The following SEC14L2 variants were observed in gnomAD, a reference collection of about 807,000 sequenced individuals.
SEC14L2 encodes the protein SEC14-like protein 2.
Under a neutral mutation model 56.9 loss-of-function variants are expected in SEC14L2, and 50 were observed. The observed-to-expected ratio is 0.88, with a 90% CI of 0.70 to 1.11. The LOEUF (loss-of-function observed/expected upper bound fraction) is 1.11, where lower values mean the gene tolerates loss of function less well. SEC14L2 is among the 50% of genes most tolerant of loss of function. SEC14L2 has a pLI of 0.00. For synonymous variants in SEC14L2, 179 were observed against 188.5 expected, an observed-to-expected ratio of 0.95 and a Z score of 0.41; for missense variants, 414 against 500.7, an observed-to-expected ratio of 0.83 and a Z score of 1.65.
Position 30,398,771 on chromosome 22 carries a change from G to A in SEC14L2, c.55-872G>A, listed in dbSNP as rs187066372. 15 of 471,210 alleles carry A rather than the reference G, an allele frequency of 3.2e-5. No individual in the cohort carries two copies. In the Admixed American group the frequency reaches 3.5e-4, roughly 11 times the overall value. The allele number at this position is 471,210 out of a possible 1,614,324, so 29.2% of individuals were successfully genotyped here. A position where few individuals can be genotyped will look rare whatever the true frequency, so the allele number is the denominator to read the frequency against. ...AAACTCCTCATCCTTCCATGGGGCA[G>A]AAGACCATGGTGGAAAGAGTGTGTG... On this transcript the variant is annotated intron_variant, in intron 1 of 11. Coordinates refer to ENST00000615189, the MANE Select transcript of SEC14L2 (RefSeq NM_012429.5).
intron 8 of SEC14L2, among the ~76,000 whole-genome samples, chr22:30,414,417 G>A (rs35117632): frequency 2.0e-5 from 3 of 152,066 alleles, no homozygotes; most frequent in Non-Finnish European, 2.9e-5. Flanking sequence ...TTCAACAGAG[G>A]GGGGAGATTC....
chr22:30,406,877 G>A (rs902075976), intron 3 of SEC14L2, among the ~76,000 whole-genome samples: 7 of 152,178 alleles, frequency 4.6e-5, no homozygotes, highest in African/African-American at 1.7e-4. Context: ...TCAGCCACCT[G>A]AGTAGCTGGG....
chr22:30,405,850 T>G (rs1387122739), intron 2 of SEC14L2, among the ~76,000 whole-genome samples: 2 of 152,100 alleles, frequency 1.3e-5, no homozygotes, highest in East Asian at 1.9e-4. Flanking sequence ...CTAATTAGTT[T>G]TTTTGTTTTG....
At chr22:30,409,312 C>T in intron 6 of SEC14L2, 30 bp downstream of exon 6, 1 of 1,600,758 alleles carries the variant, frequency 6.2e-7, no homozygotes, top group Non-Finnish European at 8.6e-7. Context: ...AGGAAGGGGA[C>T]AGAGGGAAGG....
At chr22:30,406,501 A>G (rs1164867290) in intron 3 of SEC14L2, 116 bp downstream of exon 3, 1 of 989,086 alleles carries the variant, frequency 1.0e-6, no homozygotes, top group Non-Finnish European at 1.6e-6. Flanking sequence ...GTATTAGCCG[A>G]CCACTGTTGC....
intron 8 of SEC14L2, among the ~76,000 whole-genome samples, chr22:30,412,347 G>C (rs908799947): frequency 6.6e-6 from 1 of 151,668 alleles, no homozygotes; most frequent in Admixed American, 6.6e-5. Context: ...TCCCAGAGAG[G>C]CCAAAAGACC....
chr22:30,418,463 T>C (rs1340257972), intron 11 of SEC14L2, among the ~76,000 whole-genome samples: 1 of 152,186 alleles, frequency 6.6e-6, no homozygotes, highest in Non-Finnish European at 1.5e-5. Flanking sequence ...ATCTGCCCAT[T>C]ACCCCTCTAT....
At chr22:30,411,700 T>C (rs1934251726) in intron 8 of SEC14L2, among the ~76,000 whole-genome samples, 1 of 120,598 alleles carries the variant, frequency 8.3e-6, no homozygotes, top group Non-Finnish European at 1.6e-5. Context: ...TGAGCCGAGA[T>C]TGCACCACTG....
Position 30,422,440 on chromosome 22 carries a change from G to A in SEC14L2, c.*33G>A. On this transcript the variant is annotated 3_prime_UTR_variant, in exon 12 of 12. Coordinates refer to ENST00000615189, the MANE Select transcript of SEC14L2 (RefSeq NM_012429.5). ...TCCTATAGCAGGCCTGGCCCCCTCAGTGTCTCCCTGTCAATTTCTACCCCT... is the reference window on the plus strand; with the variant it reads ...TCCTATAGCAGGCCTGGCCCCCTCAATGTCTCCCTGTCAATTTCTACCCCT... 6.2e-7 allele frequency: 1 copy of A among 1,612,784 alleles called. No individual in the cohort carries two copies. Among genetic ancestry groups the A allele is most frequent in the Non-Finnish European group, 8.5e-7 (1 of 1,179,434 alleles).
intron 2 of SEC14L2, among the ~76,000 whole-genome samples, chr22:30,403,943 C>G (rs1005532448): frequency 1.5e-5 from 2 of 132,826 alleles, no homozygotes; most frequent in African/African-American, 5.7e-5. Flanking sequence ...GCGGAGCTTG[C>G]AGTGAGCTGA....
chr22:30,424,175 G>C lies in SEC14L2; in HGVS notation c.*1768G>C, dbSNP rs925759067. The C allele has an allele frequency of 6.4e-6, 1 of 156,198 alleles. No homozygotes were observed. Among genetic ancestry groups the C allele is most frequent in the South Asian group, 1.8e-4 (1 of 5,686 alleles). 9.7% of individuals were successfully genotyped at this position (156,198 alleles called of 1,614,324 possible). ...GCCCGTGCGAGCCAAGTGTGAGTCC[G>C]GGCGAGCGCCTGCGGAGCTAGCACT... is the stretch of plus-strand genomic sequence containing the variant. On this transcript the variant is annotated 3_prime_UTR_variant, in exon 12 of 12. Transcript: ENST00000615189.
intron 7 of SEC14L2, among the ~76,000 whole-genome samples, 175 bp from the exon 8 acceptor site, chr22:30,410,421 C>G (rs1331741914): frequency 6.6e-6 from 1 of 152,206 alleles, no homozygotes; most frequent in Non-Finnish European, 1.5e-5. Flanking sequence ...AAGGCTGGAC[C>G]TCAAAGATGC....
At chr22:30,399,896 C>T (rs1310070964) in intron 2 of SEC14L2, among the ~76,000 whole-genome samples, 178 bp downstream of exon 2, 1 of 152,264 alleles carries the variant, frequency 6.6e-6, no homozygotes, top group East Asian at 1.9e-4. Flanking sequence ...GACACTGAGG[C>T]TCAGAGAGGT....
rs765172443 is a variant in SEC14L2 at position 30,416,085 on chromosome 22, CAGGT to C, written c.911+2_911+5del. ...AGATCCTCTTCCCTGGCTGTGTCCT[CAGGT>C]AGGGGCCTGGGCCCTTCCAGGAGAC... On this transcript the variant is annotated splice_donor_variant and coding_sequence_variant, in exon 10 of 12. Coordinates refer to ENST00000615189, the MANE Select transcript of SEC14L2 (RefSeq NM_012429.5). LOFTEE classifies it high-confidence loss of function. 6.2e-7 allele frequency: 1 copy of C among 1,614,258 alleles called. No homozygotes were observed. The highest frequency in any genetic ancestry group is 2.2e-5 in the East Asian group (1 of 44,888).
rs755550263 is a variant in SEC14L2, at chr22:30,415,889, G to A, written c.771+24G>A. On this transcript the variant is annotated intron_variant, in intron 9 of 11. Coordinates refer to ENST00000615189, the MANE Select transcript of SEC14L2 (RefSeq NM_012429.5). ...AGGTATGAGCCGCCAGAGGCTAGAG[G>A]TGAACAGGGATGCCTGGCTCAAATG... 2.5e-6 allele frequency: 4 copies of A among 1,614,070 alleles called. No homozygotes were observed. In the East Asian group the frequency reaches 6.7e-5, roughly 27 times the overall value.
chr22:30,408,577 C>A (rs1382677879), intron 5 of SEC14L2, among the ~76,000 whole-genome samples: 1 of 152,032 alleles, frequency 6.6e-6, no homozygotes, highest in Non-Finnish European at 1.5e-5. Context: ...AGGGCTAGAC[C>A]CTGCGCCAAA....
intron 11 of SEC14L2, among the ~76,000 whole-genome samples, chr22:30,418,882 A>G (rs1934448493): frequency 6.6e-6 from 1 of 152,250 alleles, no homozygotes; most frequent in African/African-American, 2.4e-5. Context: ...CCAGCCTCCA[A>G]TGGCAAGAGC....
chr22:30,417,200 G>A (rs942228852), intron 11 of SEC14L2, among the ~76,000 whole-genome samples: 1 of 152,224 alleles, frequency 6.6e-6, no homozygotes, highest in African/African-American at 2.4e-5. Context: ...TGTATGGTAT[G>A]TACTTACTTT....
chr22:30,405,852 T>C (rs1569206801), intron 2 of SEC14L2, among the ~76,000 whole-genome samples: 1 of 151,952 alleles, frequency 6.6e-6, no homozygotes. Flanking sequence ...AATTAGTTTT[T>C]TTGTTTTGTT....
Sources: gnomAD v4.1 joint callset for allele counts (sites outside exome capture counted in the v4.1 genomes callset) on GRCh38, gnomAD v4.1.1 for gene constraint, MANE v1.5 for transcripts, NCBI Gene and HGNC (gene_info 2026-07-23, HGNC 2026-07-21) for gene names.